The following TCF20 variants were observed in gnomAD, a reference collection of about 807,000 sequenced individuals.
The protein encoded by TCF20 is transcription factor 20.
In TCF20, 3 loss-of-function variants were observed where a neutral mutation model predicts 148.6. The observed-to-expected ratio is 0.02, with a 90% CI of 0.01 to 0.05. TCF20 has a LOEUF of 0.05. Ranked by LOEUF, TCF20 falls within the 10% of genes least tolerant of loss-of-function variation. The probability of loss-of-function intolerance (pLI) is 1.00; values close to 1 mark genes in which losing one functional copy is unlikely to be tolerated. For missense variants in TCF20, 2,350 were observed against 2,429.3 expected (o/e 0.97, Z 0.69); for synonymous variants, 1,049 against 909.5 (o/e 1.15, Z -2.76).
intron 1 of TCF20, among the ~76,000 whole-genome samples, chr22:42,294,181 C>G (rs978849837): frequency 6.6e-6 from 1 of 152,144 alleles, no homozygotes; most frequent in Non-Finnish European, 1.5e-5. Flanking sequence ...CGCCAGCCCG[C>G]TCCACCCCGG....
intron 1 of TCF20, chr22:42,215,590 C>G (rs181289070): frequency 1.7e-4 from 75 of 440,378 alleles, no homozygotes; most frequent in Non-Finnish European, 1.9e-4. Context: ...CTTGCCTCAG[C>G]CTCCCGAGTA....
In TCF20 at chr22:42,212,107, T is replaced by G. The variant is rs747582821; in HGVS notation, c.3199A>C (p.Thr1067Pro). The change falls in exon 2 of 6, where the codon ACT becomes CCT. Residue 1067 changes from threonine (T) to proline (P), a missense_variant. Around this residue, in one of 7 missense-constraint regions of TCF20, gnomAD observed 1,641 missense variants for 1,662.6 expected, o/e 0.99. Coordinates refer to ENST00000677622, the MANE Select transcript of TCF20 (RefSeq NM_001378418.1). ...GGGTCCCCATAAGCATGAGCCCGAG[T>G]ATTTGCATGATAAGCAGAGGCCAGG... ...ETLASAYHAN[T>P]RAHAYGDPNA... 2.5e-6 allele frequency: 4 copies of G among 1,614,060 alleles called. No homozygotes were observed. The highest frequency in any genetic ancestry group is 3.4e-6 in the Non-Finnish European group (4 of 1,180,002).
At chr22:42,303,090 C>T (rs1184762195) in intron 1 of TCF20, among the ~76,000 whole-genome samples, 3 of 152,188 alleles carry the variant, frequency 2.0e-5, no homozygotes, top group Non-Finnish European at 4.4e-5. Context: ...ACACAACGCT[C>T]GGATAATTTT....
chr22:42,249,101 G>A (rs776732223), intron 1 of TCF20, among the ~76,000 whole-genome samples: 1 of 152,200 alleles, frequency 6.6e-6, no homozygotes, highest in African/African-American at 2.4e-5. Flanking sequence ...CTTTTCTTCT[G>A]CTGCCTTGGA....
intron 1 of TCF20, among the ~76,000 whole-genome samples, chr22:42,314,251 T>C (rs974407705): frequency 2.0e-5 from 3 of 152,264 alleles, no homozygotes; most frequent in Non-Finnish European, 4.4e-5. Context: ...AATCCGTCTC[T>C]TCCGGATGTG....
rs773882454 is a variant in TCF20 at position 42,168,657 on chromosome 22, C to A, written c.5879G>T (p.Gly1960Val). The A allele has an allele frequency of 6.2e-7, 1 of 1,603,298 alleles. No homozygotes were observed. The highest frequency in any genetic ancestry group is 1.1e-5 in the South Asian group (1 of 89,450). ...GSLSTEQSERG is the reference protein window; with the variant it reads ...GSLSTEQSERV ...CCCACGAGCACACTGCCCCCCTCAC[C>A]CCCGCTCCGACTGCTCTGTGCTGAG... Residue 1960 changes from glycine (G) to valine (V), a missense_variant, in exon 5 of 6, where the codon GGG (glycine) becomes GTG (valine). Coordinates refer to ENST00000677622, the MANE Select transcript of TCF20 (RefSeq NM_001378418.1).
At chr22:42,229,541 G>C (rs189519235) in intron 1 of TCF20, among the ~76,000 whole-genome samples, 40 of 152,284 alleles carry the variant, frequency 2.6e-4, no homozygotes, top group Non-Finnish European at 2.2e-4. Flanking sequence ...GAGTAACGCA[G>C]GTACAGTACA....
chr22:42,284,825 C>T (rs1400579077), upstream of TCF20, among the ~76,000 whole-genome samples: 2 of 152,240 alleles, frequency 1.3e-5, no homozygotes, highest in African/African-American at 4.8e-5. Context: ...CTTCACACCC[C>T]CTTCCTACCC....
chr22:42,209,888 G>C lies in TCF20; in HGVS notation c.5418C>G (p.Leu1806=). 5 of 1,614,122 alleles carry C rather than the reference G, an allele frequency of 3.1e-6. No homozygotes were observed. The highest frequency in any genetic ancestry group is 3.4e-6 in the Non-Finnish European group (4 of 1,180,028). ...CCTCAGTGGCTGCTTTTTTACAAGG[G>C]AGCCCCCTGGACAGGGACCGAGGGC... ...GGGPRSLSRG[L]PCKKAATEGS... Residue 1806 remains leucine, a synonymous_variant, in exon 2 of 6, where the codon CTC becomes CTG. Coordinates refer to ENST00000677622, the MANE Select transcript of TCF20 (RefSeq NM_001378418.1).
At chr22:42,284,448 C>A (rs1926986362), upstream of TCF20, among the ~76,000 whole-genome samples, 1 of 152,180 alleles carries the variant, frequency 6.6e-6, no homozygotes, top group Non-Finnish European at 1.5e-5. Flanking sequence ...GTCACGAGGA[C>A]CAGAGAGGGC....
chr22:42,185,345 C>A (rs1193378186), intron 2 of TCF20, among the ~76,000 whole-genome samples: 2 of 152,168 alleles, frequency 1.3e-5, no homozygotes, highest in Non-Finnish European at 2.9e-5. Context: ...CTTGCACCCC[C>A]CAAGGACTGG....
At chr22:42,287,828 C>T (rs1004753987), upstream of TCF20, among the ~76,000 whole-genome samples, 3 of 151,112 alleles carry the variant, frequency 2.0e-5, no homozygotes, top group South Asian at 2.1e-4. Context: ...CATTTCTGGG[C>T]GTGGTGAGTT....
chr22:42,338,455 C>T lies in TCF20; in HGVS notation c.-37+5024G>A, dbSNP rs1928105646. On this transcript the variant is annotated intron_variant, in intron 1 of 1. Transcript: ENST00000515426. The surrounding 1 kb of genome is among the most constrained non-coding windows in gnomAD (Gnocchi z 4.0). ...CCAGGGGGCCTCAGCAGAGCCCCGTCCCTCCCGGCAGCCCGGCCTGCAGGG... is the reference window on the plus strand; with the variant it reads ...CCAGGGGGCCTCAGCAGAGCCCCGTTCCTCCCGGCAGCCCGGCCTGCAGGG... Among the ~76,000 whole-genome samples, 1 of 152,216 alleles carries T rather than the reference C, an allele frequency of 6.6e-6. No homozygotes were observed. Among genetic ancestry groups the T allele is most frequent in the African/African-American group, 2.4e-5 (1 of 41,464 alleles).
chr22:42,210,775 C>A lies in TCF20; in HGVS notation c.4531G>T (p.Ala1511Ser). ...GILAPEANPK[A>S]EEKENDTVTI... ...ACTGTATCGTTCTCCTTCTCTTCAGCCTTGGGGTTTGCCTCAGGGGCCAAT... is the reference window on the plus strand; with the variant it reads ...ACTGTATCGTTCTCCTTCTCTTCAGACTTGGGGTTTGCCTCAGGGGCCAAT... Residue 1511 changes from alanine to serine, a missense_variant, in exon 2 of 6, where the codon GCT (alanine) becomes TCT (serine). Ala to Ser is a moderately conservative substitution (Grantham distance 99). Transcript: ENST00000677622. The surrounding 1 kb of genome is among the most constrained non-coding windows in gnomAD (Gnocchi z 4.7). 6.2e-7 allele frequency: 1 copy of A among 1,614,210 alleles called. No homozygotes were observed. Among genetic ancestry groups the A allele is most frequent in the Non-Finnish European group, 8.5e-7 (1 of 1,180,046 alleles).
At chr22:42,305,554 G>A (rs530024755) in intron 1 of TCF20, among the ~76,000 whole-genome samples, 122 of 152,284 alleles carry the variant, frequency 8.0e-4, no homozygotes, top group African/African-American at 2.9e-3. Context: ...CCGAACAGCT[G>A]CTAAGTCAAC....
At chr22:42,172,955 C>A (rs575860648) in intron 3 of TCF20, among the ~76,000 whole-genome samples, 1 of 152,122 alleles carries the variant, frequency 6.6e-6, no homozygotes, top group Non-Finnish European at 1.5e-5. Context: ...GTGAGGCAGA[C>A]GGCTGTCCCC....
chr22:42,243,742 G>C (rs1601651297), intron 1 of TCF20, among the ~76,000 whole-genome samples: 1 of 152,192 alleles, frequency 6.6e-6, no homozygotes, highest in Middle Eastern at 3.4e-3. Flanking sequence ...ATTGAGGGAG[G>C]GTAAACAGGA....
chr22:42,268,707 A>T (rs1926425941), intron 1 of TCF20, among the ~76,000 whole-genome samples: 2 of 152,238 alleles, frequency 1.3e-5, no homozygotes, highest in Admixed American at 1.3e-4. Flanking sequence ...ATTCTCTGAA[A>T]CATTTTCTGA....
chr22:42,262,348 TTGA>T lies in TCF20; in HGVS notation c.-37+7988_-37+7990del, dbSNP rs1199577105. 2.0e-5 allele frequency among the ~76,000 whole-genome samples: 3 copies of T among 152,162 alleles called. No homozygotes were observed. The East Asian group carries it at 5.8e-4, about 29-fold the overall frequency. On this transcript the variant is annotated intron_variant, in intron 1 of 5. Transcript: ENST00000677622. ...TTATGGAAATAGCACTGACAGTAAC[TTGA>T]TGATAGATTTAGAGGTAGAGGGTGG...
Sources: gnomAD v4.1 joint callset for allele counts (sites outside exome capture counted in the v4.1 genomes callset) on GRCh38, gnomAD v4.1.1 for gene constraint, gnomAD v4.1.1 regional missense constraint, Gnocchi (gnomAD v3.1) non-coding constraint, MANE v1.5 for transcripts, NCBI Gene and HGNC (gene_info 2026-07-23, HGNC 2026-07-21) for gene names.